The following GPM6A variants were observed in gnomAD, a reference collection of about 807,000 sequenced individuals.
GPM6A encodes the protein glycoprotein M6A.
In GPM6A, 7 loss-of-function variants were observed where a neutral mutation model predicts 32.1. That is an observed-to-expected ratio of 0.22 (90% CI 0.12 to 0.41). GPM6A has a LOEUF of 0.41. Among genes scored for constraint, GPM6A ranks in the 10% least tolerant of loss-of-function variants. The pLI, the probability that GPM6A is intolerant of heterozygous loss-of-function variation, is 1.00. For missense variants in GPM6A, 235 were observed against 347.2 expected, an observed-to-expected ratio of 0.68 and a Z score of 2.57; for synonymous variants, 130 against 123.4, an observed-to-expected ratio of 1.05 and a Z score of -0.35.
chr4:175,655,991 C>T (rs532270786), intron 3 of GPM6A, among the ~76,000 whole-genome samples: 2 of 152,042 alleles, frequency 1.3e-5, no homozygotes, highest in South Asian at 2.1e-4. Flanking sequence ...CTATTTCTGT[C>T]CCATTTGGTA....
intron 1 of GPM6A, among the ~76,000 whole-genome samples, chr4:175,868,196 G>T (rs909266162): frequency 6.6e-5 from 10 of 152,162 alleles, no homozygotes; most frequent in African/African-American, 2.4e-4. Flanking sequence ...TGTCTCTCCA[G>T]TGTTGGAGGC....
intron 3 of GPM6A, among the ~76,000 whole-genome samples, chr4:175,672,011 C>T (rs988152516): frequency 7.9e-6 from 1 of 126,770 alleles, no homozygotes; most frequent in Non-Finnish European, 1.8e-5. Context: ...AGAAAGAAAA[C>T]GTGGCTCATG....
intron 2 of GPM6A, among the ~76,000 whole-genome samples, chr4:175,697,375 C>T (rs1367845433): frequency 6.6e-6 from 1 of 151,418 alleles, no homozygotes; most frequent in African/African-American, 2.4e-5. Context: ...CCAAATGTCT[C>T]TCAAGAGAAA....
chr4:175,847,963 G>A (rs971540224), intron 1 of GPM6A, among the ~76,000 whole-genome samples: 2 of 152,104 alleles, frequency 1.3e-5, no homozygotes, highest in Non-Finnish European at 2.9e-5. Flanking sequence ...GTATCCCCAC[G>A]AATAAGGGGA....
intron 1 of GPM6A, among the ~76,000 whole-genome samples, chr4:175,764,079 A>G (rs1732862145): frequency 6.6e-6 from 1 of 152,212 alleles, no homozygotes; most frequent in African/African-American, 2.4e-5. Flanking sequence ...TGGTGCATTC[A>G]TGATGTTATA....
chr4:175,976,328 AT>A (rs34163669), intron 1 of GPM6A, among the ~76,000 whole-genome samples: 18 of 137,320 alleles, frequency 1.3e-4, no homozygotes, highest in African/African-American at 2.1e-4. Context: ...CGCCTGGCTA[AT>A]TTTTTTTTTT....
intron 4 of GPM6A, among the ~76,000 whole-genome samples, chr4:175,646,508 G>A (rs1741470911): frequency 6.6e-6 from 1 of 152,064 alleles, no homozygotes; most frequent in Non-Finnish European, 1.5e-5. Flanking sequence ...AGTATGATGA[G>A]CCAGGTTCAT....
intron 1 of GPM6A, among the ~76,000 whole-genome samples, chr4:175,713,690 G>C (rs1729839082): frequency 6.6e-6 from 1 of 152,116 alleles, no homozygotes; most frequent in African/African-American, 2.4e-5. Context: ...AAACATTGTA[G>C]TCATGGCTAT....
chr4:175,933,787 G>A (rs532096145), intron 1 of GPM6A, among the ~76,000 whole-genome samples: 1 of 151,994 alleles, frequency 6.6e-6, no homozygotes, highest in African/African-American at 2.4e-5. Flanking sequence ...CTCGTGATCC[G>A]CCCTCCTCGG....
chr4:175,821,074 C>T (rs971207650), intron 1 of GPM6A, among the ~76,000 whole-genome samples: 1 of 152,108 alleles, frequency 6.6e-6, no homozygotes, highest in Non-Finnish European at 1.5e-5. Flanking sequence ...TTAAAAAGCC[C>T]TTCAAAGTGC....
intron 1 of GPM6A, among the ~76,000 whole-genome samples, chr4:175,852,126 A>G (rs1736278593): frequency 1.3e-5 from 2 of 152,196 alleles, no homozygotes; most frequent in Admixed American, 6.5e-5. Flanking sequence ...TGTGAAATAA[A>G]AGGATGAGAC....
chr4:175,801,216 C>T (rs1037883975), intron 1 of GPM6A, among the ~76,000 whole-genome samples: 2 of 152,074 alleles, frequency 1.3e-5, no homozygotes, highest in East Asian at 3.9e-4. Context: ...TTACTACACT[C>T]CACATAAGTA....
At chr4:175,914,166 G>T (rs192312449) in intron 1 of GPM6A, among the ~76,000 whole-genome samples, 7 of 152,156 alleles carry the variant, frequency 4.6e-5, no homozygotes, top group East Asian at 3.9e-4. Flanking sequence ...ATGTGTGGGG[G>T]GGGTAGGGAT....
intron 2 of GPM6A, among the ~76,000 whole-genome samples, chr4:175,699,565 CAG>C (rs1744759086): frequency 6.6e-6 from 1 of 152,166 alleles, no homozygotes. Context: ...CTTGATACTA[CAG>C]AGTTATGGAC....
chr4:175,735,464 A>T (rs1731618045), intron 1 of GPM6A, among the ~76,000 whole-genome samples: 1 of 152,216 alleles, frequency 6.6e-6, no homozygotes, highest in Non-Finnish European at 1.5e-5. Flanking sequence ...CATAGATGAT[A>T]TCACTGTAAA....
intron 1 of GPM6A, among the ~76,000 whole-genome samples, chr4:176,002,127 C>A (rs879222744): frequency 6.6e-6 from 1 of 151,956 alleles, no homozygotes; most frequent in Non-Finnish European, 1.5e-5. Flanking sequence ...ATCGCCATCG[C>A]CTCTCTCCCA....
intron 1 of GPM6A, among the ~76,000 whole-genome samples, chr4:175,714,979 A>G (rs1745761014): frequency 6.7e-6 from 1 of 149,886 alleles, no homozygotes. Context: ...TGATGTAGAA[A>G]AACAATCCCT....
intron 1 of GPM6A, among the ~76,000 whole-genome samples, chr4:175,737,796 G>A (rs1731721844): frequency 1.3e-5 from 2 of 152,118 alleles, no homozygotes; most frequent in South Asian, 4.1e-4. Context: ...GAACAAGAGA[G>A]GTACCAGGTT....
At chr4:175,657,731 T>C (rs1742168885) in intron 3 of GPM6A, among the ~76,000 whole-genome samples, 1 of 152,104 alleles carries the variant, frequency 6.6e-6, no homozygotes, top group Non-Finnish European at 1.5e-5. Context: ...CTGTCCTGTA[T>C]AATATAGGAC....
Sources: allele counts gnomAD v4.1 joint callset (sites outside exome capture counted in the v4.1 genomes callset), GRCh38; gene constraint gnomAD v4.1.1; transcripts MANE v1.5; gene names NCBI Gene and HGNC (gene_info 2026-07-23, HGNC 2026-07-21).